The following SASH1 variants were observed in gnomAD, a reference collection of about 807,000 sequenced individuals.
SASH1 encodes SAM and SH3 domain-containing protein 1.
In SASH1, 44 loss-of-function variants were observed where a neutral mutation model predicts 125.2. That is an observed-to-expected ratio of 0.35 (90% CI 0.28 to 0.45). The LOEUF (loss-of-function observed/expected upper bound fraction) is 0.45, where lower values mean the gene tolerates loss of function less well. Among genes scored for constraint, SASH1 ranks in the 20% least tolerant of loss-of-function variants. SASH1 has a pLI of 1.00. For synonymous variants in SASH1, 639 were observed against 649.1 expected (o/e 0.98, Z 0.24); for missense variants, 1,426 against 1,614.5 (o/e 0.88, Z 2.00).
At chr6:148,371,641 G>A (rs1782709894) in intron 1 of SASH1, among the ~76,000 whole-genome samples, 2 of 152,008 alleles carry the variant, frequency 1.3e-5, no homozygotes, top group Non-Finnish European at 2.9e-5. Context: ...CTGTAGGGAG[G>A]TGGGTACAGA....
chr6:148,396,997 T>C (rs1164249707), intron 2 of SASH1, among the ~76,000 whole-genome samples: 2 of 152,204 alleles, frequency 1.3e-5, no homozygotes, highest in Non-Finnish European at 2.9e-5. Flanking sequence ...TTACTTGTAC[T>C]TCATTAATAT....
At chr6:148,292,244 A>G (rs1779653611) in intron 1 of SASH1, among the ~76,000 whole-genome samples, 1 of 152,156 alleles carries the variant, frequency 6.6e-6, no homozygotes, top group African/African-American at 2.4e-5. Context: ...AAACCATCCC[A>G]TTTGGATGGT....
chr6:148,305,239 A>T (rs903042414), intron 1 of SASH1, among the ~76,000 whole-genome samples: 2 of 152,130 alleles, frequency 1.3e-5, no homozygotes, highest in African/African-American at 2.4e-5. Context: ...GTTCCTGAGG[A>T]GAGTTAAAGG....
chr6:148,382,741 C>T (rs1162740816), intron 1 of SASH1, among the ~76,000 whole-genome samples: 1 of 152,140 alleles, frequency 6.6e-6, no homozygotes, highest in Non-Finnish European at 1.5e-5. Context: ...CGGGATCCAC[C>T]TGTGCGCAAT....
rs564419744 is a variant in SASH1 at position 148,501,593 on chromosome 6, T to G, written c.730-12731T>G. 3.9e-5 allele frequency among the ~76,000 whole-genome samples: 6 copies of G among 152,316 alleles called. No homozygotes were observed. In the South Asian group the frequency reaches 1.0e-3, roughly 26 times the overall value. On this transcript the variant is annotated intron_variant, in intron 8 of 19. Transcript: ENST00000367467. ...AGCTGTAGATTACCTTCCCAACACT[T>G]TGTTTCCTAACTCACCTATTTAATA...
At chr6:148,360,871 C>T (rs957858818) in intron 1 of SASH1, among the ~76,000 whole-genome samples, 3 of 152,026 alleles carry the variant, frequency 2.0e-5, no homozygotes, top group Admixed American at 6.6e-5. Context: ...AAAAGGATAC[C>T]TCGAAGTCCT....
intron 1 of SASH1, among the ~76,000 whole-genome samples, chr6:148,290,556 A>G (rs963139758): frequency 7.9e-5 from 12 of 152,144 alleles, no homozygotes; most frequent in Admixed American, 3.3e-4. Context: ...CAGTGAGCCA[A>G]GATCGTGCCA....
At chr6:148,459,558 A>G (rs1453267478) in intron 4 of SASH1, among the ~76,000 whole-genome samples, 1 of 152,232 alleles carries the variant, frequency 6.6e-6, no homozygotes, top group Non-Finnish European at 1.5e-5. Flanking sequence ...TAGAGTCAAC[A>G]GGAGTGGGAT....
At chr6:148,505,673 G>A (rs9373566) in intron 8 of SASH1, among the ~76,000 whole-genome samples, 9,984 of 148,200 alleles carry the variant, frequency 0.067, 878 homozygotes, top group East Asian at 0.47. Flanking sequence ...ATAGAGTGTC[G>A]CTCTGTCACC....
the SASH1 span, among the ~76,000 whole-genome samples, chr6:148,212,746 A>G: frequency 6.6e-6 from 1 of 152,292 alleles, no homozygotes; most frequent in South Asian, 2.1e-4. Context: ...CTTCCTCATT[A>G]TCTCATTTAA....
At position 148,421,153 on chromosome 6, in the gene SASH1, GAAAGAAAGAAAGAAAGAAAGA is replaced by G. The variant is rs1785059699; in HGVS notation, c.286-19028_286-19008del. Among the ~76,000 whole-genome samples, 429 of 81,058 alleles carry G rather than the reference GAAAGAAAGAAAGAAAGAAAGA, an allele frequency of 5.3e-3. 6 individuals are homozygous for G. The highest frequency in any genetic ancestry group is 0.012 in the African/African-American group (300 of 24,310). 53.2% of individuals were successfully genotyped at this position (81,058 alleles called of 152,430 possible). On this transcript the variant is annotated intron_variant, in intron 2 of 19. Coordinates refer to ENST00000367467, the MANE Select transcript of SASH1 (RefSeq NM_015278.5). Reference sequence around the variant, plus strand: ...AGGAAGGAAGGAAGGAAGGAAGAAAGAAAGAAAGAAAGAAAGAAAGAAAGAAAGAAAGAAAGAAAGAAAGAA... The same window carrying G: ...AGGAAGGAAGGAAGGAAGGAAGAAAGAAGAAAGAAAGAAAGAAAGAAAGAA...
At chr6:148,456,532 AT>A (rs1401072914) in intron 4 of SASH1, among the ~76,000 whole-genome samples, 2 of 152,156 alleles carry the variant, frequency 1.3e-5, no homozygotes, top group African/African-American at 4.8e-5. Context: ...CAAACGAATA[AT>A]TTTGCCCCAT....
In SASH1 at chr6:148,529,802, TTTTTTG is replaced by T. The variant is rs11372627; in HGVS notation, c.1429-1707_1429-1702del. Among the ~76,000 whole-genome samples, 5,368 of 151,994 alleles carry T rather than the reference TTTTTTG, an allele frequency of 0.035. 135 individuals are homozygous for T. The highest frequency in any genetic ancestry group is 0.065 in the African/African-American group (2,703 of 41,386). ...ATGGAAGGTTTTATGTGGTTGTTTT[TTTTTTG>T]TTTTTGTTTTTGTTTTGAGACGGAG... On this transcript the variant is annotated intron_variant, in intron 12 of 19. Transcript: ENST00000367467. This position sits in a 1 kb window ranked among gnomAD's most constrained non-coding sequence, Gnocchi z 4.2.
chr6:148,367,213 C>T (rs1422872448), intron 1 of SASH1, among the ~76,000 whole-genome samples: 2 of 152,044 alleles, frequency 1.3e-5, no homozygotes, highest in Admixed American at 6.6e-5. Context: ...CGTGAGCCAC[C>T]GCACCTGGCC....
At chr6:148,509,831 C>T (rs567945298) in intron 8 of SASH1, among the ~76,000 whole-genome samples, 2 of 152,198 alleles carry the variant, frequency 1.3e-5, no homozygotes, top group Non-Finnish European at 2.9e-5. Flanking sequence ...GATCATCCAG[C>T]GTGTAGCTGT....
the SASH1 span, among the ~76,000 whole-genome samples, chr6:148,218,086 C>A: frequency 2.0e-5 from 3 of 151,970 alleles, no homozygotes; most frequent in African/African-American, 7.2e-5. Context: ...TTCCCAGGCA[C>A]CCCAGCACCC....
chr6:148,218,014 C>CA, the SASH1 span, among the ~76,000 whole-genome samples: 40,750 of 137,864 alleles, frequency 0.3, 6,164 homozygotes, highest in East Asian at 0.49. Context: ...GACTCTGTCT[C>CA]AAAAAAAAAA....
At chr6:148,206,831 A>ACACACACACAC in the SASH1 span, among the ~76,000 whole-genome samples, 2 of 151,222 alleles carry the variant, frequency 1.3e-5, no homozygotes, top group Non-Finnish European at 2.9e-5. Context: ...ACACACACAC[A>ACACACACACAC]AATTAACATA....
the SASH1 span, among the ~76,000 whole-genome samples, chr6:148,245,279 C>A: frequency 6.6e-6 from 1 of 152,236 alleles, no homozygotes; most frequent in East Asian, 1.9e-4. Flanking sequence ...GCAGATAACA[C>A]CAGGTAGCCT....
Sources: allele counts gnomAD v4.1 joint callset (sites outside exome capture counted in the v4.1 genomes callset), GRCh38; gene constraint gnomAD v4.1.1; non-coding constraint Gnocchi (gnomAD v3.1); transcripts MANE v1.5; gene names NCBI Gene and HGNC (gene_info 2026-07-23, HGNC 2026-07-21).